Variants in CNTNAP3B observed in about 807,000 individuals in gnomAD.
CNTNAP3B encodes contactin associated protein family member 3B, also known as contactin-associated protein-like 3B.
In CNTNAP3B, 25 loss-of-function variants were observed where a neutral mutation model predicts 108.9. That is an observed-to-expected ratio of 0.23 (90% CI 0.17 to 0.32). CNTNAP3B has a LOEUF of 0.32. CNTNAP3B is among the 10% of genes least tolerant of loss of function. The pLI, the probability that CNTNAP3B is intolerant of heterozygous loss-of-function variation, is 1.00. For missense variants in CNTNAP3B, 252 were observed against 1,210.4 expected, an observed-to-expected ratio of 0.21 and a Z score of 11.75; for synonymous variants, 103 against 473.4, an observed-to-expected ratio of 0.22 and a Z score of 10.16.
At chr9:42,010,440 G>A (rs1271679525) in intron 4 of CNTNAP3B, among the ~76,000 whole-genome samples, 1 of 142,986 alleles carries the variant, frequency 7.0e-6, no homozygotes, top group Non-Finnish European at 1.5e-5. Flanking sequence ...GAGGGCAAGA[G>A]AGATAGATGC....
intron 3 of CNTNAP3B, among the ~76,000 whole-genome samples, chr9:42,043,170 TTC>T (rs1826800789): frequency 1.5e-5 from 1 of 67,912 alleles, no homozygotes; most frequent in Admixed American, 1.9e-4. Flanking sequence ...TTTTCTTTTA[TTC>T]TTTTTTTTTT....
intron 12 of CNTNAP3B, among the ~76,000 whole-genome samples, chr9:41,955,995 G>A (rs1240590701): frequency 6.6e-6 from 1 of 152,160 alleles, no homozygotes; most frequent in Non-Finnish European, 1.5e-5. Flanking sequence ...GCCCACAGTT[G>A]GGCAAAATCA....
intron 12 of CNTNAP3B, among the ~76,000 whole-genome samples, chr9:41,955,182 G>C (rs1248232123): frequency 1.4e-5 from 2 of 146,410 alleles, no homozygotes; most frequent in East Asian, 4.0e-4. Flanking sequence ...TGATGGTCCG[G>C]AGTAGTTCAC....
intron 3 of CNTNAP3B, among the ~76,000 whole-genome samples, chr9:42,054,071 T>G (rs546549176): frequency 7.9e-5 from 12 of 151,008 alleles, no homozygotes; most frequent in African/African-American, 3.0e-4. Context: ...AATAAAATAT[T>G]AAGCTTTACA....
intron 9 of CNTNAP3B, among the ~76,000 whole-genome samples, chr9:41,982,030 C>T (rs1013184895): frequency 5.0e-5 from 4 of 80,284 alleles, no homozygotes; most frequent in South Asian, 4.9e-4. Context: ...TGCACTCCAG[C>T]CTGGGCAACA....
At position 42,041,778 on chromosome 9, in the gene CNTNAP3B, C is replaced by CA. The variant is rs1216210094; in HGVS notation, c.391-28254dup. On this transcript the variant is annotated intron_variant, in intron 3 of 23. Transcript: ENST00000377561. The stretch of plus-strand genomic sequence containing the variant: ...ATTATAAATCATGCTGCTATAAAGA[C>CA]ACATGCACGTGTGTTTATTGCGACA... Among the ~76,000 whole-genome samples the CA allele has an allele frequency of 4.3e-5, 6 of 139,306 alleles. No homozygotes were observed. The East Asian group carries it at 1.3e-3, about 30-fold the overall frequency. The allele number at this position is 139,306 out of a possible 152,430, so 91.4% of individuals were successfully genotyped here. A position where few individuals can be genotyped will look rare whatever the true frequency, so the allele number is the denominator to read the frequency against.
At chr9:41,969,307 C>G (rs1267965509) in intron 10 of CNTNAP3B, among the ~76,000 whole-genome samples, 1 of 150,126 alleles carries the variant, frequency 6.7e-6, no homozygotes, top group Non-Finnish European at 1.5e-5. Context: ...TCTTGTCTAA[C>G]CTCCATATTT....
At chr9:41,942,775 G>C (rs1824398627) in intron 13 of CNTNAP3B, among the ~76,000 whole-genome samples, 1 of 152,108 alleles carries the variant, frequency 6.6e-6, no homozygotes, top group African/African-American at 2.4e-5. Flanking sequence ...AGAGTCTCTG[G>C]GAAAACTCAA....
intron 10 of CNTNAP3B, among the ~76,000 whole-genome samples, chr9:41,967,770 G>C (rs1825324942): frequency 6.6e-6 from 1 of 152,276 alleles, no homozygotes; most frequent in East Asian, 1.9e-4. Flanking sequence ...AGAGGAGCTA[G>C]TCTTCTACGT....
chr9:42,044,700 C>A (rs1419991510), intron 3 of CNTNAP3B, among the ~76,000 whole-genome samples: 2 of 147,228 alleles, frequency 1.4e-5, no homozygotes, highest in Non-Finnish European at 3.0e-5. Flanking sequence ...TACGTTGGCC[C>A]ACTTCACCAT....
chr9:41,944,867 C>A (rs1318806072), intron 13 of CNTNAP3B, among the ~76,000 whole-genome samples: 3 of 152,232 alleles, frequency 2.0e-5, no homozygotes, highest in African/African-American at 7.2e-5. Flanking sequence ...TGCAATCTAC[C>A]CATCTGACAA....
At chr9:41,935,955 G>C (rs1367230272) in intron 14 of CNTNAP3B, among the ~76,000 whole-genome samples, 1 of 152,384 alleles carries the variant, frequency 6.6e-6, no homozygotes, top group East Asian at 1.9e-4. Flanking sequence ...TCAGTTCATG[G>C]GAGGGTCACT....
intron 2 of CNTNAP3B, among the ~76,000 whole-genome samples, chr9:42,080,568 T>C (rs1202648754): frequency 3.0e-5 from 4 of 135,094 alleles, no homozygotes; most frequent in Admixed American, 2.2e-4. Flanking sequence ...AAGGCCACTA[T>C]GGGTAACAGA....
chr9:41,950,790 T>C (rs1824653664), intron 13 of CNTNAP3B, among the ~76,000 whole-genome samples: 1 of 138,988 alleles, frequency 7.2e-6, no homozygotes, highest in African/African-American at 2.7e-5. Context: ...GAACGGAGTC[T>C]TGCTCTGTCG....
chr9:42,010,499 G>A lies in CNTNAP3B; in HGVS notation c.538+2879C>T, dbSNP rs1429968766. ...CCTAAGATTCTGGGAGTTCCCCTTT[G>A]TTCTTGAGAGATGCCCTCAAAGGCC... is the stretch of plus-strand genomic sequence containing the variant. On this transcript the variant is annotated intron_variant, in intron 4 of 23. Coordinates refer to ENST00000377561, the MANE Select transcript of CNTNAP3B (RefSeq NM_001201380.3). 2.9e-5 allele frequency among the ~76,000 whole-genome samples: 4 copies of A among 138,070 alleles called. No individual in the cohort carries two copies. In the East Asian group the frequency reaches 6.7e-4, roughly 23 times the overall value. The allele number at this position is 138,070 out of a possible 152,430, so 90.6% of individuals were successfully genotyped here. A position where few individuals can be genotyped will look rare whatever the true frequency, so the allele number is the denominator to read the frequency against.
intron 3 of CNTNAP3B, among the ~76,000 whole-genome samples, chr9:42,059,875 C>T (rs1827140552): frequency 7.9e-6 from 1 of 126,824 alleles, no homozygotes; most frequent in Admixed American, 8.1e-5. Context: ...CAAGCATAAG[C>T]CATCATGCCT....
chr9:42,124,213 G>A (rs1828520198), intron 1 of CNTNAP3B, among the ~76,000 whole-genome samples: 1 of 133,788 alleles, frequency 7.5e-6, no homozygotes, highest in Non-Finnish European at 1.6e-5. Flanking sequence ...CAACAAAAAT[G>A]TTCATTAACT....
intron 13 of CNTNAP3B, among the ~76,000 whole-genome samples, chr9:41,943,121 G>A (rs1271700716): frequency 1.3e-5 from 2 of 152,288 alleles, no homozygotes; most frequent in African/African-American, 4.8e-5. Flanking sequence ...AGAAGAGATA[G>A]GTACTATAAA....
chr9:41,981,738 C>G (rs1825632059), intron 9 of CNTNAP3B, among the ~76,000 whole-genome samples: 4 of 37,222 alleles, frequency 1.1e-4, no homozygotes, highest in Middle Eastern at 8.9e-3. Context: ...CAAAAATCAA[C>G]TCAAGATGGA....
Sources: allele counts gnomAD v4.1 joint callset (sites outside exome capture counted in the v4.1 genomes callset), GRCh38; gene constraint gnomAD v4.1.1; transcripts MANE v1.5; gene names NCBI Gene and HGNC (gene_info 2026-07-23, HGNC 2026-07-21).